The following MED13 variants were observed in gnomAD, a reference collection of about 807,000 sequenced individuals.
The protein encoded by MED13 is mediator complex subunit 13, also known as mediator of RNA polymerase II transcription subunit 13.
MED13 carries 23 observed loss-of-function variants against 225.2 expected under a neutral mutation model. The ratio of observed to expected loss-of-function variants is 0.10; its 90% confidence interval spans 0.07 to 0.14. MED13 has a LOEUF of 0.14. MED13 is among the 10% of genes least tolerant of loss of function. The probability of loss-of-function intolerance (pLI) is 1.00; values close to 1 mark genes in which losing one functional copy is unlikely to be tolerated. For missense variants in MED13, 2,197 were observed against 2,594.5 expected, an observed-to-expected ratio of 0.85 and a Z score of 3.33; for synonymous variants, 942 against 889.2, an observed-to-expected ratio of 1.06 and a Z score of -1.06.
At chr17:61,961,406 G>C (rs1038608249) in intron 22 of MED13, among the ~76,000 whole-genome samples, 182 bp downstream of exon 22, 1 of 151,258 alleles carries the variant, frequency 6.6e-6, no homozygotes, top group African/African-American at 2.4e-5. Flanking sequence ...TGTAATCCCA[G>C]CTACTCAGGA....
At chr17:62,027,159 G>A (rs2080710484) in intron 8 of MED13, among the ~76,000 whole-genome samples, 1 of 152,162 alleles carries the variant, frequency 6.6e-6, no homozygotes, top group African/African-American at 2.4e-5. Flanking sequence ...CAATGCTGGA[G>A]GCATCATGTT....
At chr17:61,983,874 A>G (rs2080226030) in intron 15 of MED13, among the ~76,000 whole-genome samples, 1 of 151,844 alleles carries the variant, frequency 6.6e-6, no homozygotes, top group African/African-American at 2.4e-5. Context: ...GACTACAAGC[A>G]TGCGCCACCA....
intron 8 of MED13, among the ~76,000 whole-genome samples, chr17:62,021,399 C>T (rs112670875): frequency 4.1e-5 from 6 of 146,422 alleles, no homozygotes; most frequent in South Asian, 2.2e-4. Context: ...CCGGACGGGG[C>T]GGCTGGCCGG....
In MED13 at chr17:62,022,740, T is replaced by C. The variant is rs557716807; in HGVS notation, c.1283+6801A>G. 3.8e-4 allele frequency among the ~76,000 whole-genome samples: 58 copies of C among 152,304 alleles called. No homozygotes were observed. In the South Asian group the frequency reaches 0.012, roughly 31 times the overall value. On this transcript the variant is annotated intron_variant, in intron 8 of 29. Coordinates refer to ENST00000397786, the MANE Select transcript of MED13 (RefSeq NM_005121.3). The stretch of plus-strand genomic sequence containing the variant: ...AATACTTATGTGAGGCCAGGCATGG[T>C]GGCTCATGCCTGTAATCTCAGCACT...
chr17:62,051,651 A>C (rs1333996108), intron 3 of MED13, among the ~76,000 whole-genome samples: 2 of 146,416 alleles, frequency 1.4e-5, no homozygotes, highest in Non-Finnish European at 3.0e-5. Flanking sequence ...AACAAACAAA[A>C]ACTCCAGGTG....
At chr17:62,048,712 T>G (rs2080925732) in intron 3 of MED13, among the ~76,000 whole-genome samples, 1 of 152,112 alleles carries the variant, frequency 6.6e-6, no homozygotes, top group Non-Finnish European at 1.5e-5. Flanking sequence ...AAGTCTCCTC[T>G]GGGAAAACTA....
chr17:61,983,589 A>G (rs1348989528), intron 15 of MED13, among the ~76,000 whole-genome samples: 2 of 152,194 alleles, frequency 1.3e-5, no homozygotes, highest in Non-Finnish European at 2.9e-5. Context: ...CAGAGATGTT[A>G]AAATGTGAAA....
chr17:61,981,168 G>A (rs566084187), intron 16 of MED13, among the ~76,000 whole-genome samples: 19 of 151,740 alleles, frequency 1.3e-4, no homozygotes, highest in Non-Finnish European at 2.8e-4. Context: ...GATTATAGGC[G>A]CCCACCACCA....
chr17:62,060,566 C>T (rs1385360569), intron 2 of MED13, among the ~76,000 whole-genome samples: 1 of 147,222 alleles, frequency 6.8e-6, no homozygotes, highest in Non-Finnish European at 1.5e-5. Flanking sequence ...GAGCTTGCAG[C>T]AAGCAAGCTC....
chr17:61,962,687 C>G, intron 21 of MED13, 65 bp downstream of exon 21: 1 of 1,420,566 alleles, frequency 7.0e-7, no homozygotes, highest in Non-Finnish European at 9.9e-7. Flanking sequence ...AAAGTAGTAT[C>G]TGAAACTTCT....
intron 8 of MED13, among the ~76,000 whole-genome samples, chr17:62,026,133 T>C (rs552660437): frequency 2.0e-5 from 3 of 152,352 alleles, no homozygotes; most frequent in African/African-American, 4.8e-5. Context: ...TACTGTTTAC[T>C]TGAATGCAAA....
intron 16 of MED13, among the ~76,000 whole-genome samples, chr17:61,981,343 T>A (rs1372833234): frequency 6.6e-6 from 1 of 152,084 alleles, no homozygotes; most frequent in Non-Finnish European, 1.5e-5. Flanking sequence ...TAAAAAACAA[T>A]CAGAATAAGG....
intron 9 of MED13, chr17:62,007,091 A>C (rs1388680686): frequency 6.6e-6 from 1 of 151,938 alleles, no homozygotes; most frequent in East Asian, 1.9e-4. Context: ...AATACAAAAA[A>C]TCAGACAGGC....
chr17:62,013,565 AAT>A (rs1244802304), intron 8 of MED13, among the ~76,000 whole-genome samples: 2 of 151,654 alleles, frequency 1.3e-5, no homozygotes, highest in African/African-American at 2.4e-5. Context: ...AACTACAACT[AAT>A]ATCTTACTTG....
chr17:62,001,325 T>C (rs1012593454), intron 9 of MED13, among the ~76,000 whole-genome samples: 3 of 152,212 alleles, frequency 2.0e-5, no homozygotes, highest in Non-Finnish European at 4.4e-5. Context: ...CATTCATACA[T>C]CCCTGCTACT....
chr17:62,025,594 T>TGGGAGGCGGAGGTTGCA, intron 8 of MED13, among the ~76,000 whole-genome samples: 1 of 152,064 alleles, frequency 6.6e-6, no homozygotes, highest in East Asian at 1.9e-4. Flanking sequence ...TGCTTGAACC[T>TGGGAGGCGGAGGTTGCA]GGGAGGCGGA....
Position 61,952,983 on chromosome 17 carries a change from A to G in MED13, c.6099T>C (p.His2033=), listed in dbSNP as rs767621216. The change falls in exon 27 of 30, where the codon CAT becomes CAC. Residue 2033 remains histidine, a synonymous_variant. Coordinates refer to ENST00000397786, the MANE Select transcript of MED13 (RefSeq NM_005121.3). The part of the protein sequence containing the change: ...PVHSPGSHYP[H]GGDAGKGQST... ...CAGTTACCTTGCCCGCATCACCTCC[A>G]TGGGGGTAATGAGATCCTGGAGAAT... 5 of 1,613,800 alleles carry G rather than the reference A, an allele frequency of 3.1e-6. No individual in the cohort carries two copies. The highest frequency in any genetic ancestry group is 4.2e-6 in the Non-Finnish European group (5 of 1,179,882).
At chr17:61,979,203 A>G (rs1294613187) in intron 16 of MED13, among the ~76,000 whole-genome samples, 1 of 152,222 alleles carries the variant, frequency 6.6e-6, no homozygotes, top group African/African-American at 2.4e-5. Flanking sequence ...TCCTCTCCTC[A>G]ATAGTATCAC....
chr17:62,012,866 C>A (rs919283732), intron 8 of MED13, among the ~76,000 whole-genome samples: 1 of 151,458 alleles, frequency 6.6e-6, no homozygotes, highest in Non-Finnish European at 1.5e-5. Context: ...AATCTTGGCT[C>A]ACGGCAACCT....
Sources: gnomAD v4.1 joint callset for allele counts (sites outside exome capture counted in the v4.1 genomes callset) on GRCh38, gnomAD v4.1.1 for gene constraint, MANE v1.5 for transcripts, NCBI Gene and HGNC (gene_info 2026-07-23, HGNC 2026-07-21) for gene names.